CORO2A: variants seen among roughly 807,000 people sequenced by gnomAD.
CORO2A encodes coronin-2A.
A neutral mutation model predicts 62.4 loss-of-function variants in CORO2A; 47 were observed. The observed-to-expected ratio is 0.75, with a 90% CI of 0.60 to 0.96. CORO2A has a LOEUF of 0.96. CORO2A is among the 40% of genes least tolerant of loss of function. The pLI is 0.00. For missense variants in CORO2A, 610 were observed against 684.1 expected (o/e 0.89, Z 1.21); for synonymous variants, 273 against 268.9 (o/e 1.02, Z -0.15).
At chr9:98,173,931 AC>A (rs1298038349) in intron 1 of CORO2A, among the ~76,000 whole-genome samples, 4 of 152,068 alleles carry the variant, frequency 2.6e-5, no homozygotes, top group Non-Finnish European at 5.9e-5. Context: ...AGCCTGACCA[AC>A]ATGGAGAAAC....
chr9:98,191,082 T>C (rs1447398815), intron 1 of CORO2A, among the ~76,000 whole-genome samples: 1 of 152,218 alleles, frequency 6.6e-6, no homozygotes, highest in African/African-American at 2.4e-5. Context: ...AGAAAATCCC[T>C]GGGTGCAGGG....
chr9:98,155,947 A>C (rs530748832), intron 2 of CORO2A, among the ~76,000 whole-genome samples: 1 of 151,204 alleles, frequency 6.6e-6, no homozygotes, highest in African/African-American at 2.4e-5. Context: ...TGGCCCTTTT[A>C]TCTTCTCTAA....
intron 10 of CORO2A, among the ~76,000 whole-genome samples, chr9:98,127,235 C>T (rs1827334470): frequency 6.6e-6 from 1 of 152,170 alleles, no homozygotes. Context: ...AAACTGAGGC[C>T]CAGGGAGCAA....
At chr9:98,169,534 C>T (rs764618283) in intron 1 of CORO2A, among the ~76,000 whole-genome samples, 51 of 152,080 alleles carry the variant, frequency 3.4e-4, no homozygotes, top group Non-Finnish European at 5.1e-4. Flanking sequence ...TGGCCCTGCA[C>T]TTTCCCTTAA....
chr9:98,176,138 AG>A (rs1267308968), intron 1 of CORO2A, among the ~76,000 whole-genome samples: 1 of 152,128 alleles, frequency 6.6e-6, no homozygotes, highest in African/African-American at 2.4e-5. Context: ...GCGGGGGGTG[AG>A]GGGTGTCACC....
chr9:98,142,679 A>G (rs2118837673), intron 2 of CORO2A, among the ~76,000 whole-genome samples: 3 of 151,986 alleles, frequency 2.0e-5, no homozygotes, highest in African/African-American at 7.3e-5. Context: ...CCTCCCACAG[A>G]CTCAGGGAAG....
chr9:98,143,514 C>T (rs545120115), intron 2 of CORO2A, among the ~76,000 whole-genome samples: 1 of 152,330 alleles, frequency 6.6e-6, no homozygotes, highest in Admixed American at 6.5e-5. Flanking sequence ...ATCCCTGCCA[C>T]ATCCCTTACC....
chr9:98,137,968 G>A (rs911249083), intron 2 of CORO2A, among the ~76,000 whole-genome samples: 1 of 152,186 alleles, frequency 6.6e-6, no homozygotes, highest in African/African-American at 2.4e-5. Flanking sequence ...CTAGCACATG[G>A]CAGATGTTCA....
At chr9:98,190,137 G>A (rs952901765) in intron 1 of CORO2A, among the ~76,000 whole-genome samples, 1 of 152,138 alleles carries the variant, frequency 6.6e-6, no homozygotes, top group Non-Finnish European at 1.5e-5. Flanking sequence ...CGCCCACCTT[G>A]GCCTCCTAAA....
chr9:98,183,324 C>G (rs951948323), intron 1 of CORO2A, among the ~76,000 whole-genome samples: 3 of 152,214 alleles, frequency 2.0e-5, no homozygotes, highest in Non-Finnish European at 4.4e-5. Context: ...TCCTAGTTCC[C>G]ACCTTCAGAA....
At chr9:98,142,763 C>T (rs1023096080) in intron 2 of CORO2A, among the ~76,000 whole-genome samples, 1 of 151,508 alleles carries the variant, frequency 6.6e-6, no homozygotes, top group African/African-American at 2.4e-5. Context: ...CCTTCTCTTC[C>T]TTCTCAGCTG....
intron 2 of CORO2A, among the ~76,000 whole-genome samples, chr9:98,149,134 G>A (rs1231369409): frequency 6.6e-6 from 1 of 152,174 alleles, no homozygotes; most frequent in Admixed American, 6.5e-5. Flanking sequence ...CAGGGTAAAG[G>A]ATACACAGAA....
At chr9:98,151,645 C>T (rs1827725214) in intron 2 of CORO2A, among the ~76,000 whole-genome samples, 1 of 151,948 alleles carries the variant, frequency 6.6e-6, no homozygotes, top group Admixed American at 6.6e-5. Context: ...TCCATCCTAA[C>T]ACTTTCAACT....
chr9:98,122,479 C>T lies in CORO2A; in HGVS notation c.*2295G>A, dbSNP rs1383782708. The T allele has an allele frequency of 1.3e-5, 2 of 152,128 alleles. No individual in the cohort carries two copies. Among genetic ancestry groups the T allele is most frequent in the Admixed American group, 6.6e-5 (1 of 15,264 alleles). The allele number at this position is 152,128 out of a possible 1,614,324, so 9.4% of individuals were successfully genotyped here. A position where few individuals can be genotyped will look rare whatever the true frequency, so the allele number is the denominator to read the frequency against. ...TGTGCAATGGAGATCATCTGCCCCTCCTTGGTAAGGAGGGACCAATTTCAC... is the reference window on the plus strand; with the variant it reads ...TGTGCAATGGAGATCATCTGCCCCTTCTTGGTAAGGAGGGACCAATTTCAC... On this transcript the variant is annotated 3_prime_UTR_variant, in exon 12 of 12. Coordinates refer to ENST00000375077, the MANE Select transcript of CORO2A (RefSeq NM_052820.4).
intron 11 of CORO2A, 106 bp downstream of exon 11, chr9:98,126,443 T>C: frequency 2.1e-6 from 3 of 1,433,474 alleles, no homozygotes; most frequent in Non-Finnish European, 2.8e-6. Flanking sequence ...GCCACACAGC[T>C]GGTTATTCTT....
At chr9:98,135,946 G>A (rs1002128606) in intron 3 of CORO2A, among the ~76,000 whole-genome samples, 1 of 152,170 alleles carries the variant, frequency 6.6e-6, no homozygotes, top group South Asian at 2.1e-4. Context: ...GGTACCACCC[G>A]CAACACTGAA....
chr9:98,186,674 C>A (rs564380129), intron 1 of CORO2A, among the ~76,000 whole-genome samples: 2 of 151,914 alleles, frequency 1.3e-5, no homozygotes, highest in African/African-American at 2.4e-5. Context: ...ATAATATATC[C>A]ATTTTAAAAC....
chr9:98,146,182 C>T (rs1004822303), intron 2 of CORO2A, among the ~76,000 whole-genome samples: 2 of 152,196 alleles, frequency 1.3e-5, no homozygotes, highest in Non-Finnish European at 1.5e-5. Context: ...TTTCATTCCT[C>T]CCCACCCTCC....
chr9:98,150,001 G>C (rs1263802414), intron 2 of CORO2A, among the ~76,000 whole-genome samples: 1 of 150,924 alleles, frequency 6.6e-6, no homozygotes, highest in African/African-American at 2.4e-5. Flanking sequence ...GCGCGATCTT[G>C]ACTCACTGCA....
Sources: allele counts gnomAD v4.1 joint callset (sites outside exome capture counted in the v4.1 genomes callset), GRCh38; gene constraint gnomAD v4.1.1; transcripts MANE v1.5; gene names NCBI Gene and HGNC (gene_info 2026-07-23, HGNC 2026-07-21).